Variants in ZNF469 observed in about 807,000 individuals in gnomAD.
ZNF469 encodes the protein zinc finger protein 469.
Under a neutral mutation model 1.0 loss-of-function variants are expected in ZNF469, and 1 was observed. The ratio of observed to expected loss-of-function variants is 1.00; its 90% CI spans 0.35 to 4.73. The LOEUF (loss-of-function observed/expected upper bound fraction) is 4.73. Ranked by LOEUF, ZNF469 falls within the 30% of genes most tolerant of loss-of-function variation. ZNF469 has a pLI of 0.16. For synonymous variants in ZNF469, 2,703 were observed against 2,363.4 expected, an observed-to-expected ratio of 1.14 and a Z score of -4.17; for missense variants, 6,100 against 5,356.3, an observed-to-expected ratio of 1.14 and a Z score of -4.33.
At chr16:88,286,570 C>T in the ZNF469 span, among the ~76,000 whole-genome samples, 4 of 152,376 alleles carry the variant, frequency 2.6e-5, no homozygotes, top group South Asian at 8.3e-4. Flanking sequence ...TGGCCTGGGC[C>T]CCTGCCAGGG....
chr16:88,296,734 C>A, the ZNF469 span, among the ~76,000 whole-genome samples: 7 of 151,366 alleles, frequency 4.6e-5, no homozygotes, highest in Non-Finnish European at 7.4e-5. Flanking sequence ...CCATGCTCCA[C>A]CCACACACAC....
the ZNF469 span, among the ~76,000 whole-genome samples, chr16:88,253,038 A>T: frequency 6.6e-6 from 1 of 152,180 alleles, no homozygotes; most frequent in African/African-American, 2.4e-5. Flanking sequence ...TCAGTGGCTC[A>T]TTGCTTTTTA....
chr16:88,419,000 T>A (rs925925211), intron 1 of ZNF469, among the ~76,000 whole-genome samples: 1 of 152,220 alleles, frequency 6.6e-6, no homozygotes. Flanking sequence ...CCTGGCCGCC[T>A]GCCCAAGTTG....
At chr16:88,154,701 G>A in the ZNF469 span, among the ~76,000 whole-genome samples, 3 of 152,194 alleles carry the variant, frequency 2.0e-5, no homozygotes, top group Non-Finnish European at 2.9e-5. Context: ...TGCATGGGGC[G>A]GATTCTGTTC....
chr16:88,431,651 T>G lies in ZNF469; in HGVS notation c.4181T>G (p.Phe1394Cys), dbSNP rs927671210. The G allele has an allele frequency of 9.0e-6, 14 of 1,550,298 alleles. No individual in the cohort carries two copies. The highest frequency in any genetic ancestry group is 1.2e-5 in the Non-Finnish European group (14 of 1,146,970). ...GGACCCAAAGACCTGGCTGGCTGTT[T>G]CCTGGAAGAACTGCACCCCAAGCCC... ...FLGPKDLAGC[F>C]LEELHPKPSA... Residue 1394 changes from phenylalanine (F) to cysteine (C), a missense_variant, in exon 3 of 3, where the codon TTC becomes TGC. Coordinates refer to ENST00000565624, the MANE Select transcript of ZNF469 (RefSeq NM_001367624.2).
chr16:88,382,834 G>A (rs1445511857), upstream of ZNF469, among the ~76,000 whole-genome samples: 1 of 151,662 alleles, frequency 6.6e-6, no homozygotes, highest in East Asian at 1.9e-4. Context: ...ATGCCTCAGG[G>A]CCCCCCATCG....
the ZNF469 span, among the ~76,000 whole-genome samples, chr16:88,113,013 C>G: frequency 1.3e-5 from 2 of 151,946 alleles, no homozygotes; most frequent in African/African-American, 4.8e-5. Flanking sequence ...CTCCTGACCT[C>G]GTGATCCACC....
chr16:88,240,081 C>T, the ZNF469 span, among the ~76,000 whole-genome samples: 2 of 150,696 alleles, frequency 1.3e-5, no homozygotes, highest in Non-Finnish European at 3.0e-5. Context: ...CACCCATGCC[C>T]ATTGGTGACT....
At chr16:88,239,701 ATATATATATATATATTT>A in the ZNF469 span, among the ~76,000 whole-genome samples, 14 of 8,650 alleles carry the variant, frequency 1.6e-3, no homozygotes, top group African/African-American at 0.011. Flanking sequence ...ATATATATAT[ATATATATATATATATTT>A]TTTTTTTTTT....
Position 88,432,551 on chromosome 16 carries a change from T to C in ZNF469, c.5081T>C (p.Phe1694Ser), listed in dbSNP as rs1426480166. 2 of 1,550,286 alleles carry C rather than the reference T, an allele frequency of 1.3e-6. No individual in the cohort carries two copies. The highest frequency in any genetic ancestry group is 1.7e-6 in the Non-Finnish European group (2 of 1,146,990). Residue 1694 changes from phenylalanine to serine, a missense_variant, in exon 3 of 3, where the codon TTT becomes TCT. Transcript: ENST00000565624. The stretch of plus-strand genomic sequence containing the variant: ...AGCCCCAGGGGAGCCAACTTCCATT[T>C]TCAGCCAGTGCAGAAAGCCGGAGCC... ...PFSPRGANFH[F>S]QPVQKAGASK...
At chr16:88,370,490 T>C in the ZNF469 span, among the ~76,000 whole-genome samples, 3 of 152,156 alleles carry the variant, frequency 2.0e-5, no homozygotes, top group Non-Finnish European at 4.4e-5. Context: ...CCACGTGCCC[T>C]GAACCTTGGA....
At chr16:88,312,493 T>C in the ZNF469 span, among the ~76,000 whole-genome samples, 1 of 152,264 alleles carries the variant, frequency 6.6e-6, no homozygotes, top group Non-Finnish European at 1.5e-5. Context: ...CTTGCTCGTG[T>C]GCCTGTGTTT....
chr16:88,411,848 C>G (rs1905176531), intron 1 of ZNF469, among the ~76,000 whole-genome samples: 1 of 152,180 alleles, frequency 6.6e-6, no homozygotes, highest in South Asian at 2.1e-4. Context: ...TGAACAGGCC[C>G]ACACCTGGGG....
chr16:88,292,548 A>C, the ZNF469 span, among the ~76,000 whole-genome samples: 28 of 152,216 alleles, frequency 1.8e-4, no homozygotes, highest in African/African-American at 6.7e-4. Flanking sequence ...CACGTGGGGA[A>C]GGGTCAGAAA....
chr16:88,438,188 G>A lies in ZNF469; in HGVS notation c.10718G>A (p.Gly3573Glu), dbSNP rs1906738358. ...ADGRGDCALD[G>E]ALERPENEAS... ...GGCAGAGGAGACTGCGCGCTGGACG[G>A]AGCCCTGGAGAGGCCAGAGAACGAG... The change falls in exon 3 of 3, where the codon GGA becomes GAA. Residue 3573 changes from glycine to glutamate, a missense_variant. Gly to Glu is a moderately conservative substitution (Grantham distance 98). Transcript: ENST00000565624. The A allele has an allele frequency of 1.9e-6, 3 of 1,547,610 alleles. No homozygotes were observed. The South Asian group carries it at 3.6e-5, about 18-fold the overall frequency.
At chr16:88,397,643 GGAT>G (rs1567500449) in intron 1 of ZNF469, among the ~76,000 whole-genome samples, 6 of 124,922 alleles carry the variant, frequency 4.8e-5, no homozygotes, top group East Asian at 2.2e-4. Flanking sequence ...ATGGATGGAT[GGAT>G]ATAAATAAGA....
chr16:88,252,784 G>C, the ZNF469 span, among the ~76,000 whole-genome samples: 4 of 152,030 alleles, frequency 2.6e-5, no homozygotes, highest in Non-Finnish European at 4.4e-5. Flanking sequence ...CAAATGTATA[G>C]CCTATATAAT....
the ZNF469 span, among the ~76,000 whole-genome samples, chr16:88,271,343 C>T: frequency 3.8e-5 from 5 of 132,556 alleles, 1 homozygote; most frequent in African/African-American, 7.5e-5. Flanking sequence ...GGGCCGGGGC[C>T]GGGGTCAGAG....
At chr16:88,224,609 GA>G in the ZNF469 span, among the ~76,000 whole-genome samples, 1 of 152,232 alleles carries the variant, frequency 6.6e-6, no homozygotes, top group Non-Finnish European at 1.5e-5. Flanking sequence ...TGAGCAGCCT[GA>G]CACGCAGCAG....
Sources: allele counts gnomAD v4.1 joint callset (sites outside exome capture counted in the v4.1 genomes callset), GRCh38; gene constraint gnomAD v4.1.1; transcripts MANE v1.5; gene names NCBI Gene and HGNC (gene_info 2026-07-23, HGNC 2026-07-21).